Variants in GRIK4 observed in about 807,000 individuals in gnomAD.
GRIK4 encodes glutamate receptor ionotropic, kainate 4.
In GRIK4, 40 loss-of-function variants were observed where a neutral mutation model predicts 104.9. That is an observed-to-expected ratio of 0.38 (90% CI 0.30 to 0.50). The LOEUF is 0.50. GRIK4 is among the 20% of genes least tolerant of loss of function. The pLI is 0.93. For synonymous variants in GRIK4, 485 were observed against 524.9 expected (o/e 0.92, Z 1.04); for missense variants, 1,047 against 1,308.1 (o/e 0.80, Z 3.08).
At chr11:120,582,608 A>G (rs60832118) in intron 1 of GRIK4, among the ~76,000 whole-genome samples, 11,564 of 152,118 alleles carry the variant, frequency 0.076, 1,506 homozygotes, top group African/African-American at 0.26. Context: ...AACATGCAGT[A>G]TTTGGTTTTC....
At chr11:120,973,160 G>A (rs776193366) in intron 19 of GRIK4, among the ~76,000 whole-genome samples, 2 of 152,208 alleles carry the variant, frequency 1.3e-5, no homozygotes, top group Non-Finnish European at 2.9e-5. Flanking sequence ...GAAGTTGGAG[G>A]TGGAATAGAA....
chr11:120,514,928 G>A (rs1048563894), intron 1 of GRIK4: 4 of 455,702 alleles, frequency 8.8e-6, no homozygotes, highest in African/African-American at 8.0e-5. Context: ...AAGCTTCCTT[G>A]TTGGGCCTCC....
Position 120,846,942 on chromosome 11 carries a change from C to G in GRIK4, c.744+10098C>G, listed in dbSNP as rs1031089263. Among the ~76,000 whole-genome samples, 17 of 152,298 alleles carry G rather than the reference C, an allele frequency of 1.1e-4. 3 individuals are homozygous for G. Among genetic ancestry groups the G allele is most frequent in the Admixed American group, 3.3e-4 (5 of 15,308 alleles). ...AGTGCCCTCAGCTGTCCAGATCCCC[C>G]AGAGTGGGGGAGCACCCCTGTCTTC... On this transcript the variant is annotated intron_variant, in intron 8 of 20. Coordinates refer to ENST00000527524, the MANE Select transcript of GRIK4 (RefSeq NM_014619.5).
intron 3 of GRIK4, among the ~76,000 whole-genome samples, chr11:120,756,555 A>G (rs1951654722): frequency 6.6e-6 from 1 of 152,198 alleles, no homozygotes; most frequent in Admixed American, 6.5e-5. Context: ...CATGAGCCAT[A>G]CTGGACTCCA....
At chr11:120,752,861 C>A (rs1951580974) in intron 3 of GRIK4, among the ~76,000 whole-genome samples, 1 of 152,216 alleles carries the variant, frequency 6.6e-6, no homozygotes, top group Non-Finnish European at 1.5e-5. Context: ...GTTTCTAAGC[C>A]TGTTCACCCT....
chr11:120,832,224 G>T (rs78390305), intron 7 of GRIK4, among the ~76,000 whole-genome samples, 194 bp downstream of exon 7: 1 of 152,126 alleles, frequency 6.6e-6, no homozygotes, highest in East Asian at 1.9e-4. Context: ...GGGTGATGTC[G>T]TTTTCAGCAC....
At chr11:120,806,233 G>T (rs886410847) in intron 4 of GRIK4, among the ~76,000 whole-genome samples, 1 of 152,086 alleles carries the variant, frequency 6.6e-6, no homozygotes, top group African/African-American at 2.4e-5. Flanking sequence ...TTGTTTCAAG[G>T]TTCAGCCCTA....
At chr11:120,706,211 C>T (rs1321647458) in intron 3 of GRIK4, among the ~76,000 whole-genome samples, 4 of 152,180 alleles carry the variant, frequency 2.6e-5, no homozygotes, top group Non-Finnish European at 4.4e-5. Flanking sequence ...GCTGTGGGTT[C>T]TAGGACTGAC....
chr11:120,921,340 C>T (rs1004173283), intron 13 of GRIK4, among the ~76,000 whole-genome samples: 8 of 152,196 alleles, frequency 5.3e-5, no homozygotes, highest in Non-Finnish European at 7.3e-5. Flanking sequence ...AGCACTCACT[C>T]AGCCACCAGG....
chr11:120,919,455 G>A (rs991116419), intron 13 of GRIK4, among the ~76,000 whole-genome samples: 2 of 152,202 alleles, frequency 1.3e-5, no homozygotes, highest in Non-Finnish European at 2.9e-5. Flanking sequence ...CCTTGAACGA[G>A]TAGCATCAGC....
chr11:120,617,764 T>C (rs1949135331), intron 1 of GRIK4, among the ~76,000 whole-genome samples: 1 of 152,170 alleles, frequency 6.6e-6, no homozygotes, highest in Non-Finnish European at 1.5e-5. Context: ...CCTTTGGCCA[T>C]GATTGTAAGT....
intron 3 of GRIK4, among the ~76,000 whole-genome samples, chr11:120,704,479 T>C (rs1950598274): frequency 6.6e-6 from 1 of 152,202 alleles, no homozygotes; most frequent in Non-Finnish European, 1.5e-5. Context: ...ACAGCCTCTA[T>C]CTCAGCTTCG....
chr11:120,571,201 A>G (rs1024746249), intron 1 of GRIK4, among the ~76,000 whole-genome samples: 3 of 152,096 alleles, frequency 2.0e-5, no homozygotes, highest in Non-Finnish European at 4.4e-5. Context: ...CCTATTTCTG[A>G]GACCTTGCAT....
intron 3 of GRIK4, among the ~76,000 whole-genome samples, chr11:120,777,909 C>G (rs1952074739): frequency 6.6e-6 from 1 of 150,382 alleles, no homozygotes; most frequent in African/African-American, 2.5e-5. Flanking sequence ...TGCACTCCAG[C>G]CTGGGTGACA....
chr11:120,595,705 C>T (rs1169898099), intron 1 of GRIK4, among the ~76,000 whole-genome samples: 10 of 152,228 alleles, frequency 6.6e-5, no homozygotes, highest in Admixed American at 5.9e-4. Context: ...ACCCAGACAC[C>T]TCCCACTCTT....
chr11:120,829,022 T>C (rs540485270), intron 6 of GRIK4, among the ~76,000 whole-genome samples: 21 of 152,318 alleles, frequency 1.4e-4, no homozygotes, highest in African/African-American at 4.3e-4. Flanking sequence ...CCCTGTCTCG[T>C]CCCACTGAAT....
intron 1 of GRIK4, among the ~76,000 whole-genome samples, chr11:120,538,026 T>C (rs1170561866): frequency 1.3e-5 from 2 of 152,246 alleles, no homozygotes; most frequent in Non-Finnish European, 2.9e-5. Flanking sequence ...TCTTAGTTAT[T>C]TAGCCTTAAT....
chr11:120,603,114 G>T (rs966631732), intron 1 of GRIK4, among the ~76,000 whole-genome samples: 1 of 152,246 alleles, frequency 6.6e-6, no homozygotes. Flanking sequence ...CCAGAGCTGA[G>T]GTCACAAATG....
chr11:120,929,866 T>C (rs1456361887), intron 13 of GRIK4, among the ~76,000 whole-genome samples: 1 of 152,156 alleles, frequency 6.6e-6, no homozygotes, highest in Non-Finnish European at 1.5e-5. Context: ...GGATGTCTGA[T>C]CGCATCCACA....
Sources: gnomAD v4.1 joint callset for allele counts (sites outside exome capture counted in the v4.1 genomes callset) on GRCh38, gnomAD v4.1.1 for gene constraint, MANE v1.5 for transcripts, NCBI Gene and HGNC (gene_info 2026-07-23, HGNC 2026-07-21) for gene names.